ARHGEF10: variants seen among roughly 807,000 people sequenced by gnomAD.
The protein encoded by ARHGEF10 is Rho guanine nucleotide exchange factor 10.
ARHGEF10 carries 140 observed loss-of-function variants against 147.4 expected under a neutral mutation model. That is an observed-to-expected ratio of 0.95 (90% CI 0.83 to 1.09). ARHGEF10 has a LOEUF of 1.09. Ranked by LOEUF, ARHGEF10 falls within the 50% of genes least tolerant of loss-of-function variation. ARHGEF10 has a pLI of 0.00. For synonymous variants in ARHGEF10, 902 were observed against 695.8 expected, an observed-to-expected ratio of 1.30 and a Z score of -4.67; for missense variants, 2,222 against 1,752.7, an observed-to-expected ratio of 1.27 and a Z score of -4.78.
intron 7 of ARHGEF10, among the ~76,000 whole-genome samples, chr8:1,872,013 A>T (rs538422034): frequency 6.6e-6 from 1 of 152,222 alleles, no homozygotes; most frequent in Non-Finnish European, 1.5e-5. Flanking sequence ...ACAAAAATAG[A>T]CAAGCCTCTG....
At chr8:1,872,256 A>G (rs1024651703) in intron 7 of ARHGEF10, among the ~76,000 whole-genome samples, 1 of 152,252 alleles carries the variant, frequency 6.6e-6, no homozygotes, top group Non-Finnish European at 1.5e-5. Context: ...ATGATCCAAC[A>G]TAATGAATGG....
In ARHGEF10 at chr8:1,952,825, C is replaced by G. The variant is rs187607027; in HGVS notation, c.3518C>G (p.Thr1173Ser). ...CGTCTGCAAGGGATTCCCAAAGTGA[C>G]CGGTGAGTGGCACCTGCAGTCTGAG... ...VPRLQGIPKV[T>S]GRGMVSYHAH... The change falls in exon 28 of 29, where the codon ACC becomes AGC. Residue 1173 changes from threonine to serine, a missense_variant and splice_region_variant. Thr to Ser is a moderately conservative substitution (Grantham distance 58). Transcript: ENST00000349830. 83 of 1,613,896 alleles carry G rather than the reference C, an allele frequency of 5.1e-5. No homozygotes were observed. The East Asian group carries it at 1.8e-3, about 34-fold the overall frequency.
At chr8:1,872,649 C>T (rs1166219791) in intron 7 of ARHGEF10, among the ~76,000 whole-genome samples, 1 of 152,186 alleles carries the variant, frequency 6.6e-6, no homozygotes, top group Non-Finnish European at 1.5e-5. Context: ...GTTTAAAAAG[C>T]ACTTGCTGAG....
rs1015643191 is a variant in ARHGEF10, at chr8:1,914,208, G to T, written c.2143+4738G>T. 3.9e-5 allele frequency among the ~76,000 whole-genome samples: 6 copies of T among 152,248 alleles called. No homozygotes were observed. The East Asian group carries it at 9.6e-4, about 24-fold the overall frequency. On this transcript the variant is annotated intron_variant, in intron 18 of 28. Transcript: ENST00000349830. ...ACTGATCCTCCTGAAGTAGAAGGCA[G>T]CAGGAGAAGCGGAGCTGTATTTTTA...
chr8:1,888,841 G>A (rs1255086612), intron 11 of ARHGEF10, among the ~76,000 whole-genome samples: 1 of 107,542 alleles, frequency 9.3e-6, no homozygotes, highest in African/African-American at 5.4e-5. Flanking sequence ...ACACTGAATA[G>A]GGTGAGGTTT....
chr8:1,952,654 C>A (rs1344771576), intron 27 of ARHGEF10, 51 bp from the exon 28 acceptor site: 2 of 1,610,174 alleles, frequency 1.2e-6, no homozygotes, highest in African/African-American at 2.7e-5. Flanking sequence ...ACCGCCCCAC[C>A]AACTCTGCTA....
chr8:1,896,740 C>T (rs1308906686), intron 14 of ARHGEF10, among the ~76,000 whole-genome samples: 1 of 152,252 alleles, frequency 6.6e-6, no homozygotes, highest in Non-Finnish European at 1.5e-5. Context: ...CTTTCCCTCA[C>T]TGTCCTTCGG....
intron 7 of ARHGEF10, chr8:1,870,100 C>G (rs1193610423): frequency 6.6e-6 from 1 of 152,220 alleles, no homozygotes; most frequent in Non-Finnish European, 1.5e-5. Context: ...CAAGACAGCG[C>G]TGATAGTGCC....
intron 2 of ARHGEF10, among the ~76,000 whole-genome samples, chr8:1,850,619 C>T (rs545527399): frequency 3.2e-4 from 49 of 152,162 alleles, no homozygotes; most frequent in African/African-American, 1.1e-3. Flanking sequence ...GTGGGGCAGC[C>T]GCGTGGGAGG....
chr8:1,829,649 A>G (rs62477467), intron 1 of ARHGEF10, among the ~76,000 whole-genome samples: 35,668 of 152,160 alleles, frequency 0.23, 4,222 homozygotes, highest in Admixed American at 0.27. Flanking sequence ...CTTGCAGAGC[A>G]GGGCTGAGGA....
At chr8:1,905,196 C>T (rs745863935) in intron 16 of ARHGEF10, among the ~76,000 whole-genome samples, 2 of 152,140 alleles carry the variant, frequency 1.3e-5, no homozygotes, top group Non-Finnish European at 2.9e-5. Context: ...TCATACAAAG[C>T]GTCTTTCTGA....
At chr8:1,950,002 G>A (rs938954985) in intron 27 of ARHGEF10, among the ~76,000 whole-genome samples, 4 of 152,184 alleles carry the variant, frequency 2.6e-5, no homozygotes, top group African/African-American at 7.2e-5. Context: ...CCTCCAGGGC[G>A]GGAGATGCGT....
Position 1,928,633 on chromosome 8 carries a change from A to T in ARHGEF10, c.2904A>T (p.Val968=). The T allele has an allele frequency of 4.3e-6, 7 of 1,614,146 alleles. No homozygotes were observed. The highest frequency in any genetic ancestry group is 5.9e-6 in the Non-Finnish European group (7 of 1,180,034). The change falls in exon 24 of 29, where the codon GTA becomes GTT. Residue 968 remains valine, a synonymous_variant. Transcript: ENST00000349830. The part of the protein sequence containing the change: ...VRASDVPTIC[V]GTEEGSISIY... ...CTTCTGATGTCCCCACGATCTGTGT[A>T]GGGACGGAGGAGGGAAGGTAGGGCA...
At chr8:1,855,499 A>C (rs1051624157) in intron 2 of ARHGEF10, among the ~76,000 whole-genome samples, 7 of 151,884 alleles carry the variant, frequency 4.6e-5, no homozygotes, top group African/African-American at 1.7e-4. Context: ...CTCCCACCTC[A>C]GCCTTCGGAG....
At chr8:1,832,122 C>T (rs1037908129) in intron 1 of ARHGEF10, among the ~76,000 whole-genome samples, 2 of 152,144 alleles carry the variant, frequency 1.3e-5, no homozygotes, top group South Asian at 2.1e-4. Context: ...CCTGTGGCCC[C>T]GCTCTGCTGG....
intron 5 of ARHGEF10, among the ~76,000 whole-genome samples, chr8:1,865,804 G>C (rs1005622832): frequency 1.3e-5 from 2 of 152,192 alleles, no homozygotes; most frequent in African/African-American, 4.8e-5. Context: ...TTCCGGTCTT[G>C]GCCTTCCCAG....
chr8:1,841,974 G>GCCGCGACCGGAACTGGGT (rs1804109094), intron 1 of ARHGEF10, among the ~76,000 whole-genome samples: 2 of 43,582 alleles, frequency 4.6e-5, no homozygotes, highest in African/African-American at 2.5e-4. Context: ...CGGAACTGGG[G>GCCGCGACCGGAACTGGGT]CCGCGGCGGG....
At chr8:1,904,754 AGC>A (rs2129176468) in intron 16 of ARHGEF10, among the ~76,000 whole-genome samples, 1 of 152,278 alleles carries the variant, frequency 6.6e-6, no homozygotes, top group Non-Finnish European at 1.5e-5. Flanking sequence ...GCTGGGCAGC[AGC>A]GTAGGTTTAG....
chr8:1,913,752 G>T (rs540446256), intron 18 of ARHGEF10, among the ~76,000 whole-genome samples: 1 of 152,216 alleles, frequency 6.6e-6, no homozygotes, highest in Non-Finnish European at 1.5e-5. Context: ...GGCCCATTCC[G>T]CTTTCTGTCC....
Sources: gnomAD v4.1 joint callset for allele counts (sites outside exome capture counted in the v4.1 genomes callset) on GRCh38, gnomAD v4.1.1 for gene constraint, MANE v1.5 for transcripts, NCBI Gene and HGNC (gene_info 2026-07-23, HGNC 2026-07-21) for gene names.